The following LMF1 variants were observed in gnomAD, a reference collection of about 807,000 sequenced individuals.
LMF1 encodes the protein transmembrane protein 112.
A neutral mutation model predicts 60.6 loss-of-function variants in LMF1; 68 were observed. The ratio of observed to expected loss-of-function variants is 1.12; its 90% CI spans 0.92 to 1.37. The LOEUF is 1.37. Among genes scored for constraint, LMF1 ranks in the 40% most tolerant of loss-of-function variants. The pLI, the probability that LMF1 is intolerant of heterozygous loss-of-function variation, is 0.00. For missense variants in LMF1, 948 were observed against 767.2 expected, an observed-to-expected ratio of 1.24 and a Z score of -2.78; for synonymous variants, 418 against 324.7, an observed-to-expected ratio of 1.29 and a Z score of -3.09.
intron 4 of LMF1, among the ~76,000 whole-genome samples, chr16:893,662 A>G (rs900488577): frequency 2.0e-5 from 3 of 152,092 alleles, no homozygotes; most frequent in Admixed American, 6.5e-5. Context: ...GGACTTGGGC[A>G]GAGAGGCTGC....
exon 1 of LMF1, chr16:981,245 C>T: frequency 2.2e-6 from 1 of 452,560 alleles, no homozygotes; most frequent in South Asian, 1.6e-5. Flanking sequence ...GACCCCGCGC[C>T]ACCGGCCTGC....
At chr16:978,857 G>A (rs990728949) in intron 1 of LMF1, among the ~76,000 whole-genome samples, 1 of 152,128 alleles carries the variant, frequency 6.6e-6, no homozygotes, top group Admixed American at 6.5e-5. Context: ...CCACCCCCGG[G>A]TCCATCTCTT....
chr16:920,687 T>G (rs923696952), intron 3 of LMF1, among the ~76,000 whole-genome samples: 1 of 152,138 alleles, frequency 6.6e-6, no homozygotes, highest in Non-Finnish European at 1.5e-5. Context: ...CCCCCCCAAA[T>G]ATTGGCAAAA....
chr16:923,203 A>G (rs2071492951), intron 3 of LMF1, among the ~76,000 whole-genome samples: 1 of 152,202 alleles, frequency 6.6e-6, no homozygotes. Context: ...CAGGAATGTG[A>G]TGCCTGGGAT....
chr16:857,999 T>C (rs867427497), intron 10 of LMF1, among the ~76,000 whole-genome samples: 11 of 35,020 alleles, frequency 3.1e-4, no homozygotes, highest in African/African-American at 5.8e-4. Context: ...TGTCTCGGGA[T>C]GGGTGTGAGT....
intron 1 of LMF1, among the ~76,000 whole-genome samples, chr16:955,576 C>T (rs1315393120): frequency 6.6e-6 from 1 of 151,942 alleles, no homozygotes; most frequent in African/African-American, 2.4e-5. Flanking sequence ...GAACCAGACA[C>T]GTTACATAAA....
chr16:909,484 C>A (rs2071051684), intron 4 of LMF1, among the ~76,000 whole-genome samples: 1 of 152,130 alleles, frequency 6.6e-6, no homozygotes, highest in African/African-American at 2.4e-5. Context: ...CAGAACCACG[C>A]TATGCGCTAT....
chr16:972,975 G>C (rs371461161), upstream of LMF1, among the ~76,000 whole-genome samples: 8 of 152,332 alleles, frequency 5.3e-5, no homozygotes, highest in East Asian at 1.5e-3. Flanking sequence ...GGCTTGGGCC[G>C]GGGAGAGGTG....
intron 8 of LMF1, 133 bp from the exon 9 acceptor site, chr16:870,199 GT>G (rs980552749): frequency 4.9e-5 from 50 of 1,025,164 alleles, no homozygotes; most frequent in Admixed American, 7.5e-5. Context: ...CTGCCTCCTG[GT>G]CAGGGGCTAC....
intron 1 of LMF1, among the ~76,000 whole-genome samples, chr16:955,479 ACACAC>A (rs1329901088): frequency 6.7e-6 from 1 of 149,758 alleles, no homozygotes; most frequent in African/African-American, 2.5e-5. Context: ...ATACACACAC[ACACAC>A]ATCTAAGTAA....
rs572127550 is a variant in LMF1, at chr16:877,597, T to C, written c.897+1973A>G. On this transcript the variant is annotated intron_variant, in intron 6 of 10. Coordinates refer to ENST00000262301, the MANE Select transcript of LMF1 (RefSeq NM_022773.4). Reference sequence around the variant, plus strand: ...AGAAACGCCACAACTCAACATCCATTCATGGCTAAAAACCCACAAAGGAGA... The same window carrying C: ...AGAAACGCCACAACTCAACATCCATCCATGGCTAAAAACCCACAAAGGAGA... Among the ~76,000 whole-genome samples the C allele has an allele frequency of 3.9e-5, 6 of 152,246 alleles. No individual in the cohort carries two copies. In the East Asian group the frequency reaches 1.2e-3, roughly 29 times the overall value.
intron 5 of LMF1, among the ~76,000 whole-genome samples, chr16:887,650 G>T (rs1429491691): frequency 6.6e-6 from 1 of 152,136 alleles, no homozygotes; most frequent in African/African-American, 2.4e-5. Context: ...TGCTCTGTGT[G>T]GTCCGCCCCA....
At chr16:919,654 T>C (rs1009842955) in intron 3 of LMF1, among the ~76,000 whole-genome samples, 5 of 77,614 alleles carry the variant, frequency 6.4e-5, no homozygotes, top group African/African-American at 2.7e-4. Flanking sequence ...CAGCAGCAAC[T>C]GAAGGAGGCA....
chr16:857,469 G>A (rs1168844884), intron 10 of LMF1, among the ~76,000 whole-genome samples: 3 of 127,090 alleles, frequency 2.4e-5, no homozygotes, highest in Admixed American at 1.5e-4. Flanking sequence ...GTCTCGGGAC[G>A]GGTGTGAGTG....
chr16:928,306 C>G (rs1461971584), intron 3 of LMF1, among the ~76,000 whole-genome samples: 1 of 152,196 alleles, frequency 6.6e-6, no homozygotes, highest in Non-Finnish European at 1.5e-5. Flanking sequence ...GGAGGAAGGC[C>G]CCAGACCAGC....
chr16:930,543 A>T (rs1434892042), intron 3 of LMF1, among the ~76,000 whole-genome samples: 1 of 152,116 alleles, frequency 6.6e-6, no homozygotes, highest in Non-Finnish European at 1.5e-5. Context: ...ACAGAGCAAG[A>T]CTCTGCCTTG....
intron 3 of LMF1, chr16:933,943 G>A (rs1321369783): frequency 7.2e-7 from 1 of 1,396,402 alleles, no homozygotes; most frequent in East Asian, 3.3e-5. Context: ...CGGGGGATGG[G>A]CCTGTGGGTG....
chr16:902,146 AG>A (rs1487874097), intron 4 of LMF1: 2 of 152,404 alleles, frequency 1.3e-5, no homozygotes, highest in Non-Finnish European at 2.9e-5. Context: ...CTGCCGCTCC[AG>A]GGCCTGAGGG....
rs1254420160 is a variant in LMF1, at chr16:854,137, C to T, written c.*395G>A. 3 of 470,718 alleles carry T rather than the reference C, an allele frequency of 6.4e-6. No homozygotes were observed. Among genetic ancestry groups the T allele is most frequent in the Non-Finnish European group, 1.3e-5 (3 of 238,504 alleles). The allele number at this position is 470,718 out of a possible 1,614,324, so 29.2% of individuals were successfully genotyped here. A position where few individuals can be genotyped will look rare whatever the true frequency, so the allele number is the denominator to read the frequency against. ...TTGAAGAGGGAACAGAAACCAGGCC[C>T]TGGGACGCTAGAGACCCCAAGAGCT... On this transcript the variant is annotated 3_prime_UTR_variant, in exon 11 of 11. Coordinates refer to ENST00000262301, the MANE Select transcript of LMF1 (RefSeq NM_022773.4).
Sources: allele counts gnomAD v4.1 joint callset (sites outside exome capture counted in the v4.1 genomes callset), GRCh38; gene constraint gnomAD v4.1.1; transcripts MANE v1.5; gene names NCBI Gene and HGNC (gene_info 2026-07-23, HGNC 2026-07-21).